TINAGL1: variants seen among roughly 807,000 people sequenced by gnomAD.
The protein encoded by TINAGL1 is tubulointerstitial nephritis antigen-like.
TINAGL1 carries 34 observed loss-of-function variants against 62.0 expected under a neutral mutation model. That is an observed-to-expected ratio of 0.55 (90% CI 0.42 to 0.73). TINAGL1 has a LOEUF of 0.73. Ranked by LOEUF, TINAGL1 falls within the 30% of genes least tolerant of loss-of-function variation. TINAGL1 has a pLI of 0.00. For missense variants in TINAGL1, 516 were observed against 653.2 expected, an observed-to-expected ratio of 0.79 and a Z score of 2.29; for synonymous variants, 221 against 249.7, an observed-to-expected ratio of 0.88 and a Z score of 1.08.
intron 3 of TINAGL1, among the ~76,000 whole-genome samples, chr1:31,581,973 G>A (rs1010485663): frequency 2.0e-5 from 3 of 152,128 alleles, no homozygotes; most frequent in African/African-American, 4.8e-5. Flanking sequence ...TTTCCTAGGC[G>A]CTGAAAATAC....
Position 31,585,489 on chromosome 1 carries a change from A to G in TINAGL1, c.1093+4A>G, listed in dbSNP as rs1395611694. On this transcript the variant is annotated splice_donor_region_variant and intron_variant, in intron 9 of 11. Transcript: ENST00000271064. The surrounding 1 kb of genome is among the most constrained non-coding windows in gnomAD (Gnocchi z 4.3). ...ATGGAGAATGGCCCTGTCCAAGGTA[A>G]ACCCCCTTATCCAGCACCCTGGTTC... is the stretch of plus-strand genomic sequence containing the variant. 2 of 1,614,154 alleles carry G rather than the reference A, an allele frequency of 1.2e-6. No homozygotes were observed. Among genetic ancestry groups the G allele is most frequent in the Non-Finnish European group, 1.7e-6 (2 of 1,179,996 alleles).
chr1:31,577,543 T>A lies in TINAGL1; in HGVS notation c.310+85T>A. 1 of 1,418,026 alleles carries A rather than the reference T, an allele frequency of 7.1e-7. No homozygotes were observed. The highest frequency in any genetic ancestry group is 9.6e-7 in the Non-Finnish European group (1 of 1,041,732). The allele number at this position is 1,418,026 out of a possible 1,614,324, so 87.8% of individuals were successfully genotyped here. On this transcript the variant is annotated intron_variant, in intron 2 of 11. Transcript: ENST00000271064. The surrounding 1 kb of genome is among the most constrained non-coding windows in gnomAD (Gnocchi z 5.4). ...TCAAGAGCAAAGCTGATGGATGCAC[T>A]GACATTTCCAGGGGAAGCTCTGTAG...
rs1273461331 is a variant in TINAGL1 at position 31,585,205 on chromosome 1, C to A, written c.912C>A (p.Gly304=). Residue 304 remains glycine (G), a synonymous_variant, in exon 8 of 12, where the codon GGC becomes GGA. Coordinates refer to ENST00000271064, the MANE Select transcript of TINAGL1 (RefSeq NM_022164.3). The surrounding 1 kb of genome is among the most constrained non-coding windows in gnomAD (Gnocchi z 4.3). ...CGGGCCGTGAACGAGACGAGGCTGG[C>A]CCTGCGCCCCCCTGTATGATGCACA... The part of the protein sequence containing the change: ...PFSGRERDEA[G]PAPPCMMHSR... The A allele has an allele frequency of 4.3e-6, 7 of 1,609,490 alleles. No individual in the cohort carries two copies. Among genetic ancestry groups the A allele is most frequent in the Non-Finnish European group, 5.9e-6 (7 of 1,177,456 alleles).
chr1:31,577,589 C>T lies in TINAGL1; in HGVS notation c.310+131C>T. 9.7e-7 allele frequency: 1 copy of T among 1,032,188 alleles called. No homozygotes were observed. Among genetic ancestry groups the T allele is most frequent in the East Asian group, 2.6e-5 (1 of 38,456 alleles). The allele number at this position is 1,032,188 out of a possible 1,614,324, so 63.9% of individuals were successfully genotyped here. On this transcript the variant is annotated intron_variant, in intron 2 of 11. Transcript: ENST00000271064. The surrounding 1 kb of genome is among the most constrained non-coding windows in gnomAD (Gnocchi z 5.4). ...TGTAGAATCTGGGACTCTTCCCTGCCCCTCTGGGAACTTTACTCTCCAGCA... is the reference window on the plus strand; with the variant it reads ...TGTAGAATCTGGGACTCTTCCCTGCTCCTCTGGGAACTTTACTCTCCAGCA...
chr1:31,584,031 A>G lies in TINAGL1; in HGVS notation c.582+456A>G. 5.9e-6 allele frequency: 1 copy of G among 168,260 alleles called. No individual in the cohort carries two copies. Among genetic ancestry groups the G allele is most frequent in the Admixed American group, 5.6e-5 (1 of 17,918 alleles). 10.4% of individuals were successfully genotyped at this position (168,260 alleles called of 1,614,324 possible). A position where few individuals can be genotyped will look rare whatever the true frequency, so the allele number is the denominator to read the frequency against. ...ACCAGTGGGACCCTCTGGGAGAGGA[A>G]TGAAAACCAGGCCCAAAGTGAAAGG... On this transcript the variant is annotated intron_variant, in intron 5 of 11. Transcript: ENST00000271064. This position sits in a 1 kb window ranked among gnomAD's most constrained non-coding sequence, Gnocchi z 4.0.
chr1:31,579,441 C>T (rs1275474694), intron 3 of TINAGL1, among the ~76,000 whole-genome samples, 174 bp downstream of exon 3: 1 of 152,240 alleles, frequency 6.6e-6, no homozygotes, highest in Non-Finnish European at 1.5e-5. Flanking sequence ...ACTTATCTAA[C>T]ATCATTCCAA....
chr1:31,580,284 T>C (rs1639207980), intron 3 of TINAGL1: 1 of 1,228,316 alleles, frequency 8.1e-7, no homozygotes, highest in South Asian at 1.4e-5. Flanking sequence ...CCCTGGCCCC[T>C]TAGGCCCCCT....
intron 2 of TINAGL1, 76 bp from the exon 3 acceptor site, chr1:31,579,128 T>C (rs188990605): frequency 1.2e-4 from 138 of 1,114,390 alleles, no homozygotes; most frequent in Non-Finnish European, 1.7e-4. Context: ...TCAAGGTACC[T>C]GACCTCCAAG....
rs529892798 is a variant in TINAGL1 at position 31,583,301 on chromosome 1, G to A, written c.467+60G>A. The A allele has an allele frequency of 2.9e-4, 459 of 1,562,210 alleles. 4 individuals are homozygous for A. The highest frequency in any genetic ancestry group is 2.8e-3 in the Middle Eastern group (16 of 5,750). ...CATGCATACTCATGCATGTATACAC[G>A]CATGCTGTGCTGTGGGGCACGTCCA... On this transcript the variant is annotated intron_variant, in intron 4 of 11. Transcript: ENST00000271064. This position sits in a 1 kb window ranked among gnomAD's most constrained non-coding sequence, Gnocchi z 4.4.
At position 31,577,085 on chromosome 1, in the gene TINAGL1, T is replaced by A; in HGVS notation, c.-15-49T>A. The A allele has an allele frequency of 2.1e-6, 3 of 1,398,420 alleles. No homozygotes were observed. The highest frequency in any genetic ancestry group is 1.9e-6 in the Non-Finnish European group (2 of 1,065,814). The allele number at this position is 1,398,420 out of a possible 1,614,324, so 86.6% of individuals were successfully genotyped here. A position where few individuals can be genotyped will look rare whatever the true frequency, so the allele number is the denominator to read the frequency against. On this transcript the variant is annotated intron_variant, in intron 1 of 11. Coordinates refer to ENST00000271064, the MANE Select transcript of TINAGL1 (RefSeq NM_022164.3). This position sits in a 1 kb window ranked among gnomAD's most constrained non-coding sequence, Gnocchi z 5.4. ...CAGCTCCAGGAAACTGGGAGACTCATCCCTGGTGTTCCAGGGAGTCTCTGC... is the reference window on the plus strand; with the variant it reads ...CAGCTCCAGGAAACTGGGAGACTCAACCCTGGTGTTCCAGGGAGTCTCTGC...
chr1:31,583,626 T>C lies in TINAGL1; in HGVS notation c.582+51T>C. 1 of 1,496,494 alleles carries C rather than the reference T, an allele frequency of 6.7e-7. No homozygotes were observed. The highest frequency in any genetic ancestry group is 1.2e-5 in the South Asian group (1 of 84,108). The allele number at this position is 1,496,494 out of a possible 1,614,324, so 92.7% of individuals were successfully genotyped here. A position where few individuals can be genotyped will look rare whatever the true frequency, so the allele number is the denominator to read the frequency against. On this transcript the variant is annotated intron_variant, in intron 5 of 11. Transcript: ENST00000271064. This position sits in a 1 kb window ranked among gnomAD's most constrained non-coding sequence, Gnocchi z 4.4. ...TGCCATCTCCCCATGGCTCAGAACC[T>C]CAGGGATGCTGGCCCTGTGCCCTGC...
rs375119727 is a variant in TINAGL1, at chr1:31,578,552, GGT to G, written c.311-633_311-632del. ...TTATAGCTTAATTTCAGTGAGAGCT[GGT>G]GTGTGTGTGTGTGTGTGTTGTCTTC... is the stretch of plus-strand genomic sequence containing the variant. On this transcript the variant is annotated intron_variant, in intron 2 of 11. Coordinates refer to ENST00000271064, the MANE Select transcript of TINAGL1 (RefSeq NM_022164.3). 2.5e-3 allele frequency among the ~76,000 whole-genome samples: 332 copies of G among 132,448 alleles called. 4 individuals carry two copies. The highest frequency in any genetic ancestry group is 6.8e-3 in the African/African-American group (235 of 34,806). The allele number at this position is 132,448 out of a possible 152,430, so 86.9% of individuals were successfully genotyped here. A position where few individuals can be genotyped will look rare whatever the true frequency, so the allele number is the denominator to read the frequency against.
rs1639432021 is a variant in TINAGL1 at position 31,587,518 on chromosome 1, G to C, written c.*539G>C. 1 of 152,170 alleles carries C rather than the reference G, an allele frequency of 6.6e-6. No homozygotes were observed. The highest frequency in any genetic ancestry group is 1.5e-5 in the Non-Finnish European group (1 of 68,134). 9.4% of individuals were successfully genotyped at this position (152,170 alleles called of 1,614,324 possible). A position where few individuals can be genotyped will look rare whatever the true frequency, so the allele number is the denominator to read the frequency against. ...TTTTTGTAAAGAGGGGGGTCTCACT[G>C]TGTTGCCCAGGCTGGTCTCGAACTC... On this transcript the variant is annotated 3_prime_UTR_variant, in exon 12 of 12. Transcript: ENST00000271064.
At chr1:31,582,881 G>A (rs1235923437) in intron 3 of TINAGL1, among the ~76,000 whole-genome samples, 3 of 152,056 alleles carry the variant, frequency 2.0e-5, no homozygotes, top group Non-Finnish European at 1.5e-5. Flanking sequence ...TTCGGTTCAG[G>A]GAGTGTTTTG....
In TINAGL1 at chr1:31,584,797, A is replaced by C. The variant is rs1639341077; in HGVS notation, c.702A>C (p.Thr234=). Residue 234 remains threonine (T), a synonymous_variant, in exon 6 of 12, where the codon ACA becomes ACC. Transcript: ENST00000271064. This position sits in a 1 kb window ranked among gnomAD's most constrained non-coding sequence, Gnocchi z 4.0. Reference sequence around the variant, plus strand: ...GTGCAGGCTCCTGGGCCTTCTCCACAGCAGGTAAGCCAAGGGCAAGGGCTG... The same window carrying C: ...GTGCAGGCTCCTGGGCCTTCTCCACCGCAGGTAAGCCAAGGGCAAGGGCTG... ...GNCAGSWAFS[T]AAVASDRVSI... 6.2e-7 allele frequency: 1 copy of C among 1,614,150 alleles called. No individual in the cohort carries two copies.
intron 3 of TINAGL1, chr1:31,580,823 T>A (rs1277784312): frequency 1.7e-6 from 2 of 1,184,320 alleles, no homozygotes; most frequent in Admixed American, 6.9e-5. Flanking sequence ...ACAGGCACTA[T>A]GCTGAGCTCA....
chr1:31,585,286 T>C lies in TINAGL1; in HGVS notation c.993T>C (p.Tyr331=), dbSNP rs1485962334. 6.2e-7 allele frequency: 1 copy of C among 1,612,632 alleles called. No homozygotes were observed. The highest frequency in any genetic ancestry group is 1.1e-5 in the South Asian group (1 of 90,822). ...CCACTGCCCACTGCCCCAACAGCTA[T>C]GTTAATAACAATGACATCTACCAGG... ...RQATAHCPNS[Y]VNNNDIYQVT... is the part of the protein sequence containing the mutation. The change falls in exon 8 of 12, where the codon TAT becomes TAC. Residue 331 remains tyrosine, a synonymous_variant. Transcript: ENST00000271064. The surrounding 1 kb of genome is among the most constrained non-coding windows in gnomAD (Gnocchi z 4.3).
In TINAGL1 at chr1:31,577,305, C is replaced by T. The variant is rs1426001191; in HGVS notation, c.157C>T (p.Leu53=). Residue 53 remains leucine (L), a synonymous_variant, in exon 2 of 12, where the codon CTG becomes TTG. Coordinates refer to ENST00000271064, the MANE Select transcript of TINAGL1 (RefSeq NM_022164.3). The surrounding 1 kb of genome is among the most constrained non-coding windows in gnomAD (Gnocchi z 5.4). ...AGGCCGGTACTGCCAGGAGCAGGAC[C>T]TGTGCTGCCGCGGCCGTGCCGACGA... The part of the protein sequence containing the change: ...AGGRYCQEQD[L]CCRGRADDCA... The T allele has an allele frequency of 2.5e-6, 4 of 1,613,438 alleles. No individual in the cohort carries two copies. Among genetic ancestry groups the T allele is most frequent in the Middle Eastern group, 1.6e-4 (1 of 6,084 alleles).
chr1:31,578,915 T>A lies in TINAGL1; in HGVS notation c.311-289T>A, dbSNP rs534327699. Among the ~76,000 whole-genome samples the A allele has an allele frequency of 2.1e-5, 2 of 96,062 alleles. 1 individual carries two copies. Among genetic ancestry groups the A allele is most frequent in the South Asian group, 8.7e-4 (2 of 2,302 alleles). 63.0% of individuals were successfully genotyped at this position (96,062 alleles called of 152,430 possible). A position where few individuals can be genotyped will look rare whatever the true frequency, so the allele number is the denominator to read the frequency against. ...GTGTGTGTGATATCTTCAGTTATAG[T>A]TTGGCTTCAATTTCAGTGAGAGCTG... is the stretch of plus-strand genomic sequence containing the variant. On this transcript the variant is annotated intron_variant, in intron 2 of 11. Coordinates refer to ENST00000271064, the MANE Select transcript of TINAGL1 (RefSeq NM_022164.3).
Sources: gnomAD v4.1 joint callset for allele counts (sites outside exome capture counted in the v4.1 genomes callset) on GRCh38, gnomAD v4.1.1 for gene constraint, Gnocchi (gnomAD v3.1) non-coding constraint, MANE v1.5 for transcripts, NCBI Gene and HGNC (gene_info 2026-07-23, HGNC 2026-07-21) for gene names.